CNTN3: variants seen among roughly 807,000 people sequenced by gnomAD.
The protein encoded by CNTN3 is contactin 3.
CNTN3 carries 60 observed loss-of-function variants against 119.1 expected under a neutral mutation model. The observed-to-expected ratio is 0.50, with a 90% CI of 0.41 to 0.62. CNTN3 has a LOEUF of 0.62. CNTN3 is among the 20% of genes least tolerant of loss of function. The pLI is 0.00. For synonymous variants in CNTN3, 450 were observed against 438.7 expected (o/e 1.03, Z -0.32); for missense variants, 1,101 against 1,242.4 (o/e 0.89, Z 1.71).
chr3:74,512,692 C>CAAAAAAAAAAAAAACAA (rs1703388374), intron 2 of CNTN3, among the ~76,000 whole-genome samples: 1 of 85,260 alleles, frequency 1.2e-5, no homozygotes, highest in African/African-American at 4.7e-5. Flanking sequence ...CATAATCAAG[C>CAAAAAAAAAAAAAACAA]AAAAAAAAAA....
At chr3:74,313,490 C>T (rs1463268843) in intron 13 of CNTN3, among the ~76,000 whole-genome samples, 1 of 151,942 alleles carries the variant, frequency 6.6e-6, no homozygotes, top group African/African-American at 2.4e-5. Flanking sequence ...AACACTTTTT[C>T]CATAGAGAGG....
intron 4 of CNTN3, among the ~76,000 whole-genome samples, chr3:74,450,538 T>C (rs1702131055): frequency 6.6e-6 from 1 of 151,578 alleles, no homozygotes. Context: ...ATACTTTAAG[T>C]TTTAGGGTAC....
At chr3:74,479,541 T>C (rs1702724228) in intron 4 of CNTN3, among the ~76,000 whole-genome samples, 1 of 152,144 alleles carries the variant, frequency 6.6e-6, no homozygotes, top group East Asian at 1.9e-4. Context: ...AGTCTCTCGA[T>C]TGAGTATGCC....
At chr3:74,410,825 T>C (rs933623148) in intron 5 of CNTN3, among the ~76,000 whole-genome samples, 7 of 152,190 alleles carry the variant, frequency 4.6e-5, no homozygotes, top group East Asian at 3.9e-4. Flanking sequence ...CATACATAAT[T>C]AACTGAATTT....
chr3:74,559,358 T>C (rs567652484), intron 1 of CNTN3, among the ~76,000 whole-genome samples: 2 of 152,182 alleles, frequency 1.3e-5, no homozygotes, highest in Non-Finnish European at 2.9e-5. Flanking sequence ...TTGACGATTC[T>C]TCCGCAGTGA....
intron 1 of CNTN3, among the ~76,000 whole-genome samples, chr3:74,529,731 T>G (rs965602766): frequency 6.6e-6 from 1 of 151,948 alleles, no homozygotes; most frequent in Non-Finnish European, 1.5e-5. Context: ...GTAAACAATA[T>G]TTTTTTGGGA....
In CNTN3 at chr3:74,336,533, G is replaced by A. The variant is rs148034625; in HGVS notation, c.1490C>T (p.Thr497Met). The A allele has an allele frequency of 3.4e-5, 55 of 1,611,450 alleles. No individual in the cohort carries two copies. In the Admixed American group the frequency reaches 3.5e-4, roughly 10 times the overall value. Reference sequence around the variant, plus strand: ...CAATATTTTAGAAATGGACCTACCCGTAACAACCAAATGTGTTGTGCCATT... The same window carrying A: ...CAATATTTTAGAAATGGACCTACCCATAACAACCAAATGTGTTGTGCCATT... ...KANGTTHLVV[T>M]EPTRITLAPS... The change falls in exon 12 of 23, where the codon ACG becomes ATG. Residue 497 changes from threonine (T) to methionine (M), a missense_variant and splice_region_variant. Physicochemically the swap from Thr to Met is moderately conservative, Grantham distance 81. Transcript: ENST00000263665.
At chr3:74,309,892 T>C (rs553985864) in intron 13 of CNTN3, among the ~76,000 whole-genome samples, 2 of 152,364 alleles carry the variant, frequency 1.3e-5, no homozygotes, top group African/African-American at 2.4e-5. Context: ...ACAAGGCTCA[T>C]TTCCTTGACA....
intron 5 of CNTN3, among the ~76,000 whole-genome samples, chr3:74,424,040 A>G (rs1243186719): frequency 6.6e-6 from 1 of 152,082 alleles, no homozygotes; most frequent in East Asian, 1.9e-4. Context: ...AGAAAGATCC[A>G]CTCTAACTTG....
At chr3:74,352,586 CTTT>C (rs1430696203) in intron 11 of CNTN3, among the ~76,000 whole-genome samples, 1 of 152,146 alleles carries the variant, frequency 6.6e-6, no homozygotes, top group Non-Finnish European at 1.5e-5. Flanking sequence ...AGACTGTGGG[CTTT>C]TTGACGGCTC....
At chr3:74,506,468 G>A (rs1703261776) in intron 2 of CNTN3, among the ~76,000 whole-genome samples, 1 of 152,050 alleles carries the variant, frequency 6.6e-6, no homozygotes, top group African/African-American at 2.4e-5. Flanking sequence ...AGATGGGTTG[G>A]AGTCTTGGGA....
intron 3 of CNTN3, among the ~76,000 whole-genome samples, chr3:74,489,164 G>A (rs1381735491): frequency 6.6e-6 from 1 of 152,144 alleles, no homozygotes; most frequent in Non-Finnish European, 1.5e-5. Context: ...CACCCCATGA[G>A]AGTCTGTTGG....
intron 4 of CNTN3, among the ~76,000 whole-genome samples, chr3:74,426,949 A>G (rs752757422): frequency 1.3e-5 from 2 of 152,158 alleles, no homozygotes; most frequent in Admixed American, 1.3e-4. Flanking sequence ...CTGCCATACA[A>G]TTTCACAGTG....
intron 5 of CNTN3, among the ~76,000 whole-genome samples, chr3:74,377,224 T>C (rs1423786438): frequency 1.3e-5 from 2 of 152,084 alleles, no homozygotes; most frequent in Non-Finnish European, 2.9e-5. Context: ...TGAGATAAAA[T>C]GAAACATAAC....
At position 74,271,995 on chromosome 3, in the gene CNTN3, AG is replaced by A. The variant is rs1237059900; in HGVS notation, c.2705-4618del. Among the ~76,000 whole-genome samples the A allele has an allele frequency of 1.1e-4, 16 of 152,302 alleles. No individual in the cohort carries two copies. In the East Asian group the frequency reaches 2.9e-3, roughly 28 times the overall value. ...CTTTGATTTTTGGTTTTCGACGTCTAGGAATTTCCTTGACCAAAAGTTCTCC... is the reference window on the plus strand; with the variant it reads ...CTTTGATTTTTGGTTTTCGACGTCTAGAATTTCCTTGACCAAAAGTTCTCC... On this transcript the variant is annotated intron_variant, in intron 20 of 22. Transcript: ENST00000263665.
intron 5 of CNTN3, among the ~76,000 whole-genome samples, chr3:74,414,980 T>A (rs1197046291): frequency 6.6e-6 from 1 of 150,468 alleles, no homozygotes; most frequent in African/African-American, 2.4e-5. Flanking sequence ...TTATAGCTAA[T>A]TTTTTACTTA....
At chr3:74,490,420 T>C (rs1702941418) in intron 3 of CNTN3, among the ~76,000 whole-genome samples, 1 of 152,226 alleles carries the variant, frequency 6.6e-6, no homozygotes, top group East Asian at 1.9e-4. Flanking sequence ...ATGGCCTGAC[T>C]AAGCATGCCT....
At chr3:74,502,774 C>T (rs2107084991) in intron 2 of CNTN3, among the ~76,000 whole-genome samples, 1 of 152,236 alleles carries the variant, frequency 6.6e-6, no homozygotes, top group Non-Finnish European at 1.5e-5. Context: ...CGCATTCTCC[C>T]TCATCCAAAG....
intron 11 of CNTN3, among the ~76,000 whole-genome samples, chr3:74,359,239 A>C (rs6549589): frequency 6.6e-6 from 1 of 151,984 alleles, no homozygotes; most frequent in South Asian, 2.1e-4. Flanking sequence ...AACAAACAAA[A>C]AAATTCTTTT....
Sources: gnomAD v4.1 joint callset for allele counts (sites outside exome capture counted in the v4.1 genomes callset) on GRCh38, gnomAD v4.1.1 for gene constraint, MANE v1.5 for transcripts, NCBI Gene and HGNC (gene_info 2026-07-23, HGNC 2026-07-21) for gene names.